THEM4: variants seen among roughly 807,000 people sequenced by gnomAD.
THEM4 encodes thioesterase superfamily member 4.
In THEM4, 22 loss-of-function variants were observed where a neutral mutation model predicts 25.0. The observed-to-expected ratio is 0.88, with a 90% CI of 0.63 to 1.26. The LOEUF (loss-of-function observed/expected upper bound fraction) is 1.26. Ranked by LOEUF, THEM4 falls within the 50% of genes most tolerant of loss-of-function variation. The pLI, the probability that THEM4 is intolerant of heterozygous loss-of-function variation, is 0.00. For synonymous variants in THEM4, 113 were observed against 105.6 expected (o/e 1.07, Z -0.43); for missense variants, 286 against 300.3 (o/e 0.95, Z 0.35).
chr1:151,896,612 A>G (rs1246703384), intron 1 of THEM4, among the ~76,000 whole-genome samples: 1 of 152,232 alleles, frequency 6.6e-6, no homozygotes, highest in Non-Finnish European at 1.5e-5. Context: ...GCAGAAATGC[A>G]TGTAAAACCT....
rs945989643 is a variant in THEM4, at chr1:151,901,222, T to C, written c.100-6028A>G. Among the ~76,000 whole-genome samples, 17 of 152,342 alleles carry C rather than the reference T, an allele frequency of 1.1e-4. 1 individual carries two copies. Among genetic ancestry groups the C allele is most frequent in the African/African-American group, 4.1e-4 (17 of 41,580 alleles). ...TATTTCTGTGTGTCTTTAATTTCTCTAGCACTGCTGGGTTAGGGTCTCCAT... is the reference window on the plus strand; with the variant it reads ...TATTTCTGTGTGTCTTTAATTTCTCCAGCACTGCTGGGTTAGGGTCTCCAT... On this transcript the variant is annotated intron_variant, in intron 1 of 5. Coordinates refer to ENST00000368814, the MANE Select transcript of THEM4 (RefSeq NM_053055.5).
chr1:151,909,360 C>A lies in THEM4; in HGVS notation c.99G>T (p.Leu33=), dbSNP rs372129725. 41 of 1,512,574 alleles carry A rather than the reference C, an allele frequency of 2.7e-5. No individual in the cohort carries two copies. Among genetic ancestry groups the A allele is most frequent in the South Asian group, 2.2e-4 (18 of 82,388 alleles). The allele number at this position is 1,512,574 out of a possible 1,614,324, so 93.7% of individuals were successfully genotyped here. ...RLPGSEPRPE[L]RSFSSEEVIL... ...CATGCCCGAGGGTGCCCAGACTCACCAGCTCGGGTCGCGGCTCGCTTCCCG... is the reference window on the plus strand; with the variant it reads ...CATGCCCGAGGGTGCCCAGACTCACAAGCTCGGGTCGCGGCTCGCTTCCCG... Residue 33 remains leucine, a splice_region_variant and synonymous_variant, in exon 1 of 6, where the codon CTG becomes CTT. Transcript: ENST00000368814.
chr1:151,907,296 C>A (rs1441908363), intron 1 of THEM4, among the ~76,000 whole-genome samples: 1 of 152,166 alleles, frequency 6.6e-6, no homozygotes, highest in Non-Finnish European at 1.5e-5. Flanking sequence ...CCGGACATGC[C>A]GCCTTTAAGA....
intron 4 of THEM4, among the ~76,000 whole-genome samples, chr1:151,887,223 G>C (rs560630575): frequency 1.3e-5 from 2 of 152,294 alleles, no homozygotes; most frequent in South Asian, 4.1e-4. Flanking sequence ...GAGGCCAGGA[G>C]TTTGAGATCA....
chr1:151,897,469 C>T (rs1654250803), intron 1 of THEM4, among the ~76,000 whole-genome samples: 1 of 152,182 alleles, frequency 6.6e-6, no homozygotes, highest in Non-Finnish European at 1.5e-5. Flanking sequence ...CATCGGACTC[C>T]AGGTTCTTCA....
rs114736775 is a variant in THEM4, at chr1:151,873,377, G to A, written c.*1511C>T. On this transcript the variant is annotated 3_prime_UTR_variant, in exon 6 of 6. Transcript: ENST00000368814. ...GCGGGTCCTCTGTATGCTGAGCACC[G>A]GTCCCCTGGGCCCAGGGTTCTTTCT... Among the ~76,000 whole-genome samples, 1,518 of 152,170 alleles carry A rather than the reference G, an allele frequency of 1.0e-2. 29 individuals carry two copies. The highest frequency in any genetic ancestry group is 0.035 in the African/African-American group (1,457 of 41,500).
At chr1:151,890,071 T>A (rs1343883934) in intron 2 of THEM4, 2 of 343,394 alleles carry the variant, frequency 5.8e-6, no homozygotes, top group African/African-American at 4.3e-5. Context: ...CACGCCTGAC[T>A]AATTCTGTAT....
chr1:151,891,895 G>A (rs1449578521), intron 2 of THEM4, among the ~76,000 whole-genome samples: 2 of 152,180 alleles, frequency 1.3e-5, no homozygotes, highest in East Asian at 1.9e-4. Flanking sequence ...CAGCAACAAG[G>A]AGGAGAAGAA....
rs753707465 is a variant in THEM4 at position 151,879,413 on chromosome 1, C to CT, written c.558-2289dup. On this transcript the variant is annotated intron_variant, in intron 4 of 5. Coordinates refer to ENST00000368814, the MANE Select transcript of THEM4 (RefSeq NM_053055.5). Reference sequence around the variant, plus strand: ...TACTATAGATTTTTTTTAAAAAGTTCTTTTTTTTTTTTTAACCTCAAATTC... The same window carrying CT: ...TACTATAGATTTTTTTTAAAAAGTTCTTTTTTTTTTTTTTAACCTCAAATTC... Among the ~76,000 whole-genome samples the CT allele has an allele frequency of 1.9e-3, 275 of 142,098 alleles. 2 individuals carry two copies. The East Asian group carries it at 0.025, about 13-fold the overall frequency. 93.2% of individuals were successfully genotyped at this position (142,098 alleles called of 152,430 possible).
chr1:151,874,627 G>C lies in THEM4; in HGVS notation c.*261C>G, dbSNP rs889644119. The C allele has an allele frequency of 1.0e-5, 5 of 499,082 alleles. No individual in the cohort carries two copies. Among genetic ancestry groups the C allele is most frequent in the Non-Finnish European group, 1.8e-5 (5 of 280,586 alleles). The allele number at this position is 499,082 out of a possible 1,614,324, so 30.9% of individuals were successfully genotyped here. A position where few individuals can be genotyped will look rare whatever the true frequency, so the allele number is the denominator to read the frequency against. Reference sequence around the variant, plus strand: ...TGAGCTCAGGCAATCCGCCTGCCTCGGCCTCCTAAAGTGCTGGGATTATAG... The same window carrying C: ...TGAGCTCAGGCAATCCGCCTGCCTCCGCCTCCTAAAGTGCTGGGATTATAG... On this transcript the variant is annotated 3_prime_UTR_variant, in exon 6 of 6. Transcript: ENST00000368814.
chr1:151,893,913 G>A (rs1306911207), intron 2 of THEM4, among the ~76,000 whole-genome samples: 1 of 151,700 alleles, frequency 6.6e-6, no homozygotes, highest in African/African-American at 2.4e-5. Context: ...AGGATGGAGT[G>A]CAGTGGCGCG....
At chr1:151,880,599 GTTA>G (rs761183278) in intron 4 of THEM4, among the ~76,000 whole-genome samples, 70 of 152,188 alleles carry the variant, frequency 4.6e-4, no homozygotes, top group Admixed American at 1.3e-3. Context: ...TATTGATTTA[GTTA>G]TTATTACCTA....
chr1:151,888,223 A>G (rs1057014121), intron 4 of THEM4, 50 bp downstream of exon 4: 1 of 1,451,596 alleles, frequency 6.9e-7, no homozygotes, highest in Non-Finnish European at 9.5e-7. Context: ...GCAACTGGGA[A>G]CCTGACTTAA....
At chr1:151,877,868 G>GCC (rs1558188042) in intron 4 of THEM4, among the ~76,000 whole-genome samples, 1 of 152,198 alleles carries the variant, frequency 6.6e-6, no homozygotes, top group South Asian at 2.1e-4. Flanking sequence ...CTTTAAAAGT[G>GCC]AAATTTCAGT....
intron 4 of THEM4, among the ~76,000 whole-genome samples, chr1:151,881,267 T>TA (rs2101717730): frequency 6.6e-6 from 1 of 152,284 alleles, no homozygotes; most frequent in Admixed American, 6.5e-5. Context: ...TCTTGGGCTC[T>TA]AGCGATCTTC....
At chr1:151,886,105 T>G (rs890178908) in intron 4 of THEM4, among the ~76,000 whole-genome samples, 1 of 152,190 alleles carries the variant, frequency 6.6e-6, no homozygotes. Flanking sequence ...CAGAAGACAA[T>G]GGAGGCTGTG....
At chr1:151,882,148 C>T (rs754963467) in intron 4 of THEM4, among the ~76,000 whole-genome samples, 19 of 151,940 alleles carry the variant, frequency 1.3e-4, no homozygotes, top group South Asian at 4.2e-4. Flanking sequence ...GAGGCCGAGG[C>T]GGATGGATCA....
At chr1:151,885,828 G>C (rs775211751) in intron 4 of THEM4, among the ~76,000 whole-genome samples, 2 of 152,194 alleles carry the variant, frequency 1.3e-5, no homozygotes, top group African/African-American at 2.4e-5. Context: ...AATCATTAAG[G>C]AATAATCTTG....
intron 1 of THEM4, among the ~76,000 whole-genome samples, chr1:151,897,223 C>T (rs1025313169): frequency 6.6e-6 from 1 of 152,160 alleles, no homozygotes. Context: ...TTTCAGCCAC[C>T]CTTATCAATT....
Sources: gnomAD v4.1 joint callset for allele counts (sites outside exome capture counted in the v4.1 genomes callset) on GRCh38, gnomAD v4.1.1 for gene constraint, MANE v1.5 for transcripts, NCBI Gene and HGNC (gene_info 2026-07-23, HGNC 2026-07-21) for gene names.